Variants in SCFD2 observed in about 807,000 individuals in gnomAD.
SCFD2 encodes the protein sec1 family domain containing 2.
In SCFD2, 54 loss-of-function variants were observed where a neutral mutation model predicts 58.9. The ratio of observed to expected loss-of-function variants is 0.92; its 90% CI spans 0.74 to 1.15. SCFD2 has a LOEUF of 1.15. Ranked by LOEUF, SCFD2 falls within the 50% of genes most tolerant of loss-of-function variation. SCFD2 has a pLI of 0.00. For synonymous variants in SCFD2, 321 were observed against 335.9 expected (o/e 0.96, Z 0.49); for missense variants, 805 against 836.6 (o/e 0.96, Z 0.47).
At chr4:53,040,054 T>G (rs1722856682) in intron 5 of SCFD2, among the ~76,000 whole-genome samples, 1 of 152,204 alleles carries the variant, frequency 6.6e-6, no homozygotes, top group Non-Finnish European at 1.5e-5. Context: ...TTCATGCTAT[T>G]AACAAATCAC....
At chr4:53,048,069 G>C (rs1723086979) in intron 5 of SCFD2, among the ~76,000 whole-genome samples, 1 of 152,146 alleles carries the variant, frequency 6.6e-6, no homozygotes, top group Non-Finnish European at 1.5e-5. Context: ...AAATATTCTA[G>C]GCTACGCGCA....
intron 5 of SCFD2, among the ~76,000 whole-genome samples, chr4:53,102,419 T>C (rs151072420): frequency 6.6e-6 from 1 of 151,982 alleles, no homozygotes; most frequent in African/African-American, 2.4e-5. Context: ...CTAAAAAAAA[T>C]TGAATGGCAA....
intron 2 of SCFD2, among the ~76,000 whole-genome samples, chr4:53,330,064 A>C (rs3959521): frequency 6.6e-6 from 1 of 150,716 alleles, no homozygotes; most frequent in African/African-American, 2.4e-5. Context: ...AAAAAGAAAC[A>C]AACAAAGCCT....
At chr4:53,128,637 A>G (rs1480001499) in intron 5 of SCFD2, among the ~76,000 whole-genome samples, 1 of 152,212 alleles carries the variant, frequency 6.6e-6, no homozygotes, top group Non-Finnish European at 1.5e-5. Context: ...AAAAAATAAT[A>G]AAGATACATT....
intron 5 of SCFD2, among the ~76,000 whole-genome samples, chr4:53,099,983 G>A (rs1724786141): frequency 1.3e-5 from 2 of 151,970 alleles, no homozygotes; most frequent in African/African-American, 4.8e-5. Flanking sequence ...AGGAAAATAT[G>A]AACAAAAAAC....
chr4:53,110,778 T>C (rs2148884202), intron 5 of SCFD2, among the ~76,000 whole-genome samples: 1 of 152,306 alleles, frequency 6.6e-6, no homozygotes, highest in South Asian at 2.1e-4. Flanking sequence ...AGACAGTGTG[T>C]CAATTCCTCA....
intron 4 of SCFD2, among the ~76,000 whole-genome samples, chr4:53,265,152 G>A (rs972945371): frequency 1.3e-5 from 2 of 151,956 alleles, no homozygotes; most frequent in Non-Finnish European, 2.9e-5. Flanking sequence ...AAAATAAAAG[G>A]TTTTTTTCCT....
At chr4:53,101,920 C>A (rs1415058383) in intron 5 of SCFD2, among the ~76,000 whole-genome samples, 2 of 151,916 alleles carry the variant, frequency 1.3e-5, no homozygotes, top group Non-Finnish European at 2.9e-5. Context: ...TGAATTTTCA[C>A]ATGAAACAAT....
chr4:52,912,640 T>G (rs1719513994), intron 6 of SCFD2, among the ~76,000 whole-genome samples: 1 of 152,176 alleles, frequency 6.6e-6, no homozygotes, highest in Admixed American at 6.5e-5. Context: ...ACTTGTGCCT[T>G]CTTAATAAAA....
intron 3 of SCFD2, among the ~76,000 whole-genome samples, chr4:53,297,438 T>C (rs143640405): frequency 3.3e-5 from 5 of 152,096 alleles, no homozygotes; most frequent in African/African-American, 1.2e-4. Context: ...GGTCTCTTTG[T>C]GTCAGACTAG....
intron 3 of SCFD2, among the ~76,000 whole-genome samples, chr4:53,290,512 T>C (rs1731805606): frequency 6.6e-6 from 1 of 151,914 alleles, no homozygotes; most frequent in South Asian, 2.1e-4. Flanking sequence ...AATACCTATA[T>C]TAAAAAGAAG....
chr4:52,952,143 G>A (rs1001784937), intron 5 of SCFD2, among the ~76,000 whole-genome samples: 3 of 151,584 alleles, frequency 2.0e-5, no homozygotes, highest in Non-Finnish European at 4.4e-5. Flanking sequence ...AGGAAAGCAG[G>A]AAAGCCACAC....
intron 4 of SCFD2, among the ~76,000 whole-genome samples, chr4:53,175,523 T>C (rs1279134559): frequency 3.3e-5 from 5 of 152,220 alleles, no homozygotes; most frequent in Non-Finnish European, 5.9e-5. Context: ...TAGTTCCTAA[T>C]TGAAAATTGA....
rs1310108755 is a variant in SCFD2 at position 53,101,530 on chromosome 4, A to C, written c.1561+43803T>G. ...TAACACACAGTCTGGCTGTACTGAG[A>C]TAGTTGTTTCAAATGGAAAAGAATG... On this transcript the variant is annotated intron_variant, in intron 5 of 8. Coordinates refer to ENST00000401642, the MANE Select transcript of SCFD2 (RefSeq NM_152540.4). 2.0e-5 allele frequency among the ~76,000 whole-genome samples: 3 copies of C among 152,226 alleles called. No homozygotes were observed. The East Asian group carries it at 5.8e-4, about 29-fold the overall frequency.
At chr4:53,042,277 T>C (rs1722918744) in intron 5 of SCFD2, among the ~76,000 whole-genome samples, 1 of 152,172 alleles carries the variant, frequency 6.6e-6, no homozygotes, top group Non-Finnish European at 1.5e-5. Context: ...CCATCTGCTA[T>C]TATAGACATT....
chr4:53,108,155 A>G (rs1336039395), intron 5 of SCFD2, among the ~76,000 whole-genome samples: 1 of 152,230 alleles, frequency 6.6e-6, no homozygotes, highest in South Asian at 2.1e-4. Context: ...GCAGAAATAA[A>G]TAAGTTCTTT....
intron 2 of SCFD2, among the ~76,000 whole-genome samples, chr4:53,328,468 G>C (rs557325983): frequency 1.3e-5 from 2 of 152,150 alleles, no homozygotes; most frequent in Admixed American, 1.3e-4. Flanking sequence ...CAGAAGTCAG[G>C]GGATCTCATT....
chr4:52,975,427 T>C lies in SCFD2; in HGVS notation c.1562-54557A>G, dbSNP rs182319014. The stretch of plus-strand genomic sequence containing the variant: ...CAACAGACACATGAAAAAATGCTCA[T>C]CATCACTGACCAGCAGAGAATTGCA... On this transcript the variant is annotated intron_variant, in intron 5 of 8. Transcript: ENST00000401642. Among the ~76,000 whole-genome samples, 284 of 152,276 alleles carry C rather than the reference T, an allele frequency of 1.9e-3. 3 individuals are homozygous for C. The highest frequency in any genetic ancestry group is 6.5e-3 in the African/African-American group (271 of 41,570).
chr4:53,063,393 C>T (rs1476946276), intron 5 of SCFD2, among the ~76,000 whole-genome samples: 1 of 152,000 alleles, frequency 6.6e-6, no homozygotes, highest in African/African-American at 2.4e-5. Context: ...AAGCATAGTT[C>T]TTTAAAGGAA....
Sources: allele counts gnomAD v4.1 joint callset (sites outside exome capture counted in the v4.1 genomes callset), GRCh38; gene constraint gnomAD v4.1.1; transcripts MANE v1.5; gene names NCBI Gene and HGNC (gene_info 2026-07-23, HGNC 2026-07-21).